The following NCOA2 variants were observed in gnomAD, a reference collection of about 807,000 sequenced individuals.
NCOA2 encodes the protein class E basic helix-loop-helix protein 75.
NCOA2 carries 21 observed loss-of-function variants against 145.1 expected under a neutral mutation model. The observed-to-expected ratio is 0.14, with a 90% CI of 0.10 to 0.21. The LOEUF is 0.21. Among genes scored for constraint, NCOA2 ranks in the 10% least tolerant of loss-of-function variants. The pLI, the probability that NCOA2 is intolerant of heterozygous loss-of-function variation, is 1.00. For synonymous variants in NCOA2, 619 were observed against 637.5 expected (o/e 0.97, Z 0.44); for missense variants, 1,472 against 1,837.6 (o/e 0.80, Z 3.64).
chr8:70,341,265 T>C (rs938244344), intron 1 of NCOA2, among the ~76,000 whole-genome samples: 1 of 152,164 alleles, frequency 6.6e-6, no homozygotes, highest in Non-Finnish European at 1.5e-5. Context: ...TGCCAGCACA[T>C]GCCTGTAGTC....
intron 2 of NCOA2, among the ~76,000 whole-genome samples, chr8:70,244,582 T>A (rs567718292): frequency 4.6e-5 from 7 of 152,086 alleles, no homozygotes; most frequent in Admixed American, 2.0e-4. Context: ...AATTTCAAAT[T>A]TATCACAAAG....
intron 1 of NCOA2, among the ~76,000 whole-genome samples, chr8:70,343,578 G>A (rs1266699706): frequency 2.6e-5 from 4 of 151,964 alleles, no homozygotes; most frequent in African/African-American, 4.8e-5. Context: ...GAGGGAGGCC[G>A]AGGCGGGCAG....
chr8:70,315,270 A>G (rs534220345), intron 1 of NCOA2, among the ~76,000 whole-genome samples: 58 of 152,306 alleles, frequency 3.8e-4, no homozygotes, highest in African/African-American at 1.4e-3. Context: ...GTAAAATTCC[A>G]ACCTATGAAA....
chr8:70,275,116 G>C (rs1825374537), intron 2 of NCOA2, among the ~76,000 whole-genome samples: 2 of 152,192 alleles, frequency 1.3e-5, no homozygotes, highest in African/African-American at 4.8e-5. Flanking sequence ...TTTTAAATGA[G>C]CAGATATTCC....
chr8:70,113,032 T>C lies in NCOA2; in HGVS notation c.*600A>G. On this transcript the variant is annotated 3_prime_UTR_variant, in exon 23 of 23. Coordinates refer to ENST00000452400, the MANE Select transcript of NCOA2 (RefSeq NM_006540.4). ...TCTTTCCAACATGGTCTTTAGAGCT[T>C]TCTAGAGATACGACTGTGACTTTGT... The C allele has an allele frequency of 5.0e-6, 1 of 200,682 alleles. No individual in the cohort carries two copies. The highest frequency in any genetic ancestry group is 7.7e-5 in the East Asian group (1 of 13,056). 12.4% of individuals were successfully genotyped at this position (200,682 alleles called of 1,614,324 possible). A position where few individuals can be genotyped will look rare whatever the true frequency, so the allele number is the denominator to read the frequency against.
chr8:70,403,129 G>GC (rs1390942812), intron 1 of NCOA2, among the ~76,000 whole-genome samples: 1 of 150,474 alleles, frequency 6.6e-6, no homozygotes, highest in African/African-American at 2.4e-5. Context: ...GCCTCCCCTC[G>GC]CCCGGCTCCC....
At chr8:70,204,034 T>C (rs1818190901) in intron 4 of NCOA2, among the ~76,000 whole-genome samples, 1 of 151,986 alleles carries the variant, frequency 6.6e-6, no homozygotes, top group Non-Finnish European at 1.5e-5. Context: ...TTTTTTAAGA[T>C]GAGGTCTCGC....
At chr8:70,346,703 G>A (rs562603061) in intron 1 of NCOA2, among the ~76,000 whole-genome samples, 3 of 152,290 alleles carry the variant, frequency 2.0e-5, no homozygotes, top group Non-Finnish European at 2.9e-5. Context: ...ACCAGTGGAA[G>A]GGAGGCAGGG....
intron 1 of NCOA2, among the ~76,000 whole-genome samples, chr8:70,359,876 T>A (rs1810053890): frequency 6.6e-6 from 1 of 152,178 alleles, no homozygotes; most frequent in African/African-American, 2.4e-5. Flanking sequence ...ATACATACCC[T>A]GCCCTAAAAT....
At chr8:70,352,510 C>G (rs376247369) in intron 1 of NCOA2, among the ~76,000 whole-genome samples, 67 of 152,244 alleles carry the variant, frequency 4.4e-4, no homozygotes, top group African/African-American at 1.6e-3. Flanking sequence ...TGTTAGAAAA[C>G]TTTTCTGAAA....
At chr8:70,228,282 G>T (rs1432911723) in intron 2 of NCOA2, among the ~76,000 whole-genome samples, 1 of 152,170 alleles carries the variant, frequency 6.6e-6, no homozygotes, top group East Asian at 1.9e-4. Context: ...CAGGCAAGTA[G>T]CTGTCAGCAA....
chr8:70,391,290 G>A (rs1813184213), intron 1 of NCOA2, among the ~76,000 whole-genome samples: 1 of 152,126 alleles, frequency 6.6e-6, no homozygotes, highest in Non-Finnish European at 1.5e-5. Flanking sequence ...TAGCCAAGGG[G>A]GCTGTAAAAT....
At position 70,159,497 on chromosome 8, in the gene NCOA2, A is replaced by G; in HGVS notation, c.1124+8T>C. The G allele has an allele frequency of 6.3e-7, 1 of 1,576,860 alleles. No individual in the cohort carries two copies. The highest frequency in any genetic ancestry group is 8.7e-7 in the Non-Finnish European group (1 of 1,152,470). Reference sequence around the variant, plus strand: ...AAATGGAAAATGACTTCTTAGAACTAGGATTACCTGTGAAGCATATGTAAA... The same window carrying G: ...AAATGGAAAATGACTTCTTAGAACTGGGATTACCTGTGAAGCATATGTAAA... On this transcript the variant is annotated splice_region_variant and intron_variant, in intron 10 of 22. Coordinates refer to ENST00000452400, the MANE Select transcript of NCOA2 (RefSeq NM_006540.4).
upstream of NCOA2, among the ~76,000 whole-genome samples, chr8:70,408,740 TAGTC>T (rs935589208): frequency 4.6e-5 from 7 of 151,374 alleles, no homozygotes; most frequent in South Asian, 2.1e-4. Flanking sequence ...ACCTCCCTAA[TAGTC>T]AGGAATACAG....
At chr8:70,250,442 C>T (rs886972219) in intron 2 of NCOA2, among the ~76,000 whole-genome samples, 9 of 148,310 alleles carry the variant, frequency 6.1e-5, no homozygotes, top group African/African-American at 1.0e-4. Flanking sequence ...CGTGGTGGCA[C>T]GCCTGTGGTC....
Position 70,110,171 on chromosome 8 carries a change from GA to G in NCOA2, c.*3460del. The G allele has an allele frequency of 9.9e-6, 2 of 201,170 alleles. No individual in the cohort carries two copies. The highest frequency in any genetic ancestry group is 2.3e-5 in the African/African-American group (1 of 43,632). The allele number at this position is 201,170 out of a possible 1,614,324, so 12.5% of individuals were successfully genotyped here. ...CAAATAAAACTCACAAATGACAAAG[GA>G]AAAAAATGACAGTTAAATGTCTGAA... On this transcript the variant is annotated 3_prime_UTR_variant, in exon 23 of 23. Transcript: ENST00000452400.
At chr8:70,114,081 T>C (rs1806816340) in intron 22 of NCOA2, among the ~76,000 whole-genome samples, 1 of 152,150 alleles carries the variant, frequency 6.6e-6, no homozygotes, top group Non-Finnish European at 1.5e-5. Flanking sequence ...TACAAACCCT[T>C]CTTCTATAAA....
intron 1 of NCOA2, among the ~76,000 whole-genome samples, chr8:70,371,452 T>A (rs1030372579): frequency 2.0e-5 from 3 of 152,156 alleles, no homozygotes; most frequent in South Asian, 2.1e-4. Context: ...AATCTAGAAT[T>A]CTTATACTTA....
the NCOA2 span, among the ~76,000 whole-genome samples, chr8:70,450,570 A>ATTGTTTTTTT: frequency 1.6e-5 from 1 of 61,136 alleles, no homozygotes; most frequent in Non-Finnish European, 3.3e-5. Flanking sequence ...ACTTCTTTTT[A>ATTGTTTTTTT]TTCTTTTTTT....
Sources: allele counts gnomAD v4.1 joint callset (sites outside exome capture counted in the v4.1 genomes callset), GRCh38; gene constraint gnomAD v4.1.1; transcripts MANE v1.5; gene names NCBI Gene and HGNC (gene_info 2026-07-23, HGNC 2026-07-21).